Variants in HEPHL1 observed in about 807,000 individuals in gnomAD.
HEPHL1 encodes hephaestin like 1.
HEPHL1 carries 123 observed loss-of-function variants against 122.0 expected under a neutral mutation model. The observed-to-expected ratio is 1.01, with a 90% CI of 0.87 to 1.17. HEPHL1 has a LOEUF of 1.17. Among genes scored for constraint, HEPHL1 ranks in the 50% most tolerant of loss-of-function variants. The pLI is 0.00. For synonymous variants in HEPHL1, 527 were observed against 508.9 expected, an observed-to-expected ratio of 1.04 and a Z score of -0.48; for missense variants, 1,452 against 1,430.5, an observed-to-expected ratio of 1.01 and a Z score of -0.24.
chr11:94,073,049 AG>A lies in HEPHL1; in HGVS notation c.1261del (p.Asp421ThrfsTer4). 1 of 1,612,806 alleles carries A rather than the reference AG, an allele frequency of 6.2e-7. No individual in the cohort carries two copies. Among genetic ancestry groups the A allele is most frequent in the Non-Finnish European group, 8.5e-7 (1 of 1,179,152 alleles). On this transcript the variant is annotated frameshift_variant, in exon 7 of 20. Coordinates refer to ENST00000315765, the MANE Select transcript of HEPHL1 (RefSeq NM_001098672.2). LOFTEE classifies it high-confidence loss of function. ...GSDSDLYFTQ[G>X]DNRIGGKYWK... The stretch of plus-strand genomic sequence containing the variant: ...GTGACTCTGATCTCTACTTCACACA[AG>A]GGGACAACAGAATAGGAGGAAAATA...
At chr11:94,063,029 C>T (rs896513684) in intron 2 of HEPHL1, among the ~76,000 whole-genome samples, 1 of 152,156 alleles carries the variant, frequency 6.6e-6, no homozygotes, top group South Asian at 2.1e-4. Flanking sequence ...ACTATATGAT[C>T]CCCAGAGGCA....
At chr11:94,074,764 T>G (rs1946106690) in intron 8 of HEPHL1, among the ~76,000 whole-genome samples, 1 of 152,210 alleles carries the variant, frequency 6.6e-6, no homozygotes, top group Non-Finnish European at 1.5e-5. Flanking sequence ...TTCAGTCTCC[T>G]ATATTTCAAA....
chr11:94,083,804 C>A (rs1946194007), intron 10 of HEPHL1, among the ~76,000 whole-genome samples: 1 of 151,788 alleles, frequency 6.6e-6, no homozygotes, highest in South Asian at 2.1e-4. Flanking sequence ...TTTGCTGTAA[C>A]TGAATATGAA....
At chr11:94,099,318 C>T (rs1946348077) in intron 13 of HEPHL1, among the ~76,000 whole-genome samples, 2 of 152,206 alleles carry the variant, frequency 1.3e-5, no homozygotes, top group African/African-American at 4.8e-5. Flanking sequence ...GCGGAGGCTG[C>T]AGAACAGCGA....
rs146491431 is a variant in HEPHL1, at chr11:94,064,415, G to C, written c.713G>C (p.Ser238Thr). ...IMFTLVDENQ[S>T]WYLNENIKHF... ...TTTACTCTTGTGGATGAGAATCAAA[G>C]CTGGTACCTCAATGAAAATATCAAA... is the stretch of plus-strand genomic sequence containing the variant. Residue 238 changes from serine to threonine, a missense_variant, in exon 4 of 20, where the codon AGC (serine) becomes ACC (threonine). Physicochemically the swap from Ser to Thr is moderately conservative, Grantham distance 58. Coordinates refer to ENST00000315765, the MANE Select transcript of HEPHL1 (RefSeq NM_001098672.2). 63 of 1,612,348 alleles carry C rather than the reference G, an allele frequency of 3.9e-5. No individual in the cohort carries two copies. In the East Asian group the frequency reaches 1.3e-3, roughly 34 times the overall value.
chr11:94,069,218 A>G (rs1050266210), intron 5 of HEPHL1, among the ~76,000 whole-genome samples: 1 of 152,210 alleles, frequency 6.6e-6, no homozygotes, highest in Admixed American at 6.6e-5. Context: ...CCTGAAATAC[A>G]GTATTTCTAA....
chr11:94,056,121 C>T (rs1433262348), intron 2 of HEPHL1: 5 of 287,772 alleles, frequency 1.7e-5, no homozygotes, highest in African/African-American at 6.7e-5. Flanking sequence ...ACCCTTTTAT[C>T]GCGACAAAAT....
chr11:94,093,293 T>A (rs778868546), intron 12 of HEPHL1, among the ~76,000 whole-genome samples: 6 of 152,062 alleles, frequency 3.9e-5, no homozygotes, highest in Non-Finnish European at 5.9e-5. Flanking sequence ...GGTGCTGGGC[T>A]GCCCATATCA....
chr11:94,063,197 G>T (rs1328831507), intron 2 of HEPHL1, among the ~76,000 whole-genome samples: 1 of 152,128 alleles, frequency 6.6e-6, no homozygotes, highest in African/African-American at 2.4e-5. Context: ...AATCTTCCTG[G>T]TTGATATGGT....
chr11:94,044,330 AC>A (rs1945814848), intron 1 of HEPHL1, among the ~76,000 whole-genome samples: 1 of 151,858 alleles, frequency 6.6e-6, no homozygotes, highest in South Asian at 2.1e-4. Context: ...TGCACCACCC[AC>A]TTCTGGTCTC....
chr11:94,041,707 T>A (rs1945782410), intron 1 of HEPHL1, among the ~76,000 whole-genome samples: 1 of 79,902 alleles, frequency 1.3e-5, no homozygotes, highest in African/African-American at 5.4e-5. Context: ...TCCTTACACC[T>A]TATACAAAAA....
intron 2 of HEPHL1, among the ~76,000 whole-genome samples, chr11:94,052,708 C>A (rs1394132544): frequency 2.0e-5 from 3 of 151,784 alleles, no homozygotes; most frequent in Non-Finnish European, 4.4e-5. Flanking sequence ...TTTTTCAATA[C>A]TTTTCTGTAT....
At chr11:94,028,080 T>C (rs1423929796) in intron 1 of HEPHL1, among the ~76,000 whole-genome samples, 2 of 152,246 alleles carry the variant, frequency 1.3e-5, no homozygotes, top group East Asian at 3.9e-4. Context: ...CACTCTCTGC[T>C]AACATTATTT....
intron 8 of HEPHL1, 123 bp downstream of exon 8, chr11:94,073,562 T>G: frequency 1.1e-6 from 1 of 919,336 alleles, no homozygotes; most frequent in Non-Finnish European, 1.6e-6. Flanking sequence ...GGCAATCACT[T>G]AAACTTTCTG....
Position 94,038,345 on chromosome 11 carries a change from G to A in HEPHL1, c.171-7328G>A, listed in dbSNP as rs879958222. ...CCCCAACCTAGCAAGGCAGGCCAACGTTCAGATTCAGGAAATACAGAGAAC... is the reference window on the plus strand; with the variant it reads ...CCCCAACCTAGCAAGGCAGGCCAACATTCAGATTCAGGAAATACAGAGAAC... On this transcript the variant is annotated intron_variant, in intron 1 of 19. Transcript: ENST00000315765. 7.9e-4 allele frequency among the ~76,000 whole-genome samples: 107 copies of A among 136,230 alleles called. 1 individual carries two copies. Among genetic ancestry groups the A allele is most frequent in the African/African-American group, 2.8e-3 (101 of 35,460 alleles). 89.4% of individuals were successfully genotyped at this position (136,230 alleles called of 152,430 possible). A position where few individuals can be genotyped will look rare whatever the true frequency, so the allele number is the denominator to read the frequency against.
intron 1 of HEPHL1, among the ~76,000 whole-genome samples, chr11:94,034,905 G>A (rs892744081): frequency 5.3e-5 from 8 of 152,168 alleles, no homozygotes; most frequent in African/African-American, 1.9e-4. Context: ...AGAAGCAGAT[G>A]AGAAAAATCA....
Position 94,067,566 on chromosome 11 carries a change from C to T in HEPHL1, c.879C>T (p.His293=). Residue 293 remains histidine, a synonymous_variant, in exon 5 of 20, where the codon CAC becomes CAT. Coordinates refer to ENST00000315765, the MANE Select transcript of HEPHL1 (RefSeq NM_001098672.2). Reference sequence around the variant, plus strand: ...GTGTTGGAGAATCTGTGTCCTGGCACCTATTTGGAATGGGGAATGAAATAG... The same window carrying T: ...GTGTTGGAGAATCTGTGTCCTGGCATCTATTTGGAATGGGGAATGAAATAG... The part of the protein sequence containing the change: ...DMCVGESVSW[H]LFGMGNEIDI... 5 of 1,613,544 alleles carry T rather than the reference C, an allele frequency of 3.1e-6. No homozygotes were observed. The highest frequency in any genetic ancestry group is 4.2e-6 in the Non-Finnish European group (5 of 1,179,586).
chr11:94,063,584 CGTCT>C lies in HEPHL1; in HGVS notation c.494_497del (p.Val165GlyfsTer3). 2.5e-6 allele frequency: 4 copies of C among 1,613,724 alleles called. No homozygotes were observed. In the African/African-American group the frequency reaches 5.3e-5, roughly 22 times the overall value. On this transcript the variant is annotated frameshift_variant, in exon 3 of 20. Transcript: ENST00000315765. LOFTEE classifies it high-confidence loss of function. ...TTCCTCCTGGGAAAAACTACACCTA[CGTCT>C]GGCCGGTGAGAGAAGAATATGCACC...
At chr11:94,058,781 G>T (rs927241898) in intron 2 of HEPHL1, among the ~76,000 whole-genome samples, 5 of 151,878 alleles carry the variant, frequency 3.3e-5, no homozygotes, top group Non-Finnish European at 5.9e-5. Context: ...GCCTAGACTA[G>T]ACTCAAACTC....
Sources: gnomAD v4.1 joint callset for allele counts (sites outside exome capture counted in the v4.1 genomes callset) on GRCh38, gnomAD v4.1.1 for gene constraint, MANE v1.5 for transcripts, NCBI Gene and HGNC (gene_info 2026-07-23, HGNC 2026-07-21) for gene names.